NRP2: variants seen among roughly 807,000 people sequenced by gnomAD.
The protein encoded by NRP2 is neuropilin-2.
Under a neutral mutation model 110.4 loss-of-function variants are expected in NRP2, and 52 were observed. The ratio of observed to expected loss-of-function variants is 0.47; its 90% CI spans 0.38 to 0.59. The LOEUF is 0.59. NRP2 is among the 20% of genes least tolerant of loss of function. The probability of loss-of-function intolerance (pLI) is 0.00; values close to 1 mark genes in which losing one functional copy is unlikely to be tolerated. For synonymous variants in NRP2, 508 were observed against 468.9 expected (o/e 1.08, Z -1.08); for missense variants, 1,049 against 1,203.0 (o/e 0.87, Z 1.89).
At chr2:205,772,366 G>C (rs1173393967) in intron 15 of NRP2, among the ~76,000 whole-genome samples, 1 of 152,162 alleles carries the variant, frequency 6.6e-6, no homozygotes, top group African/African-American at 2.4e-5. Context: ...TCCCATGCCT[G>C]GTTTCTCAAA....
chr2:205,793,192 C>G (rs113681083), intron 16 of NRP2, among the ~76,000 whole-genome samples: 1 of 152,076 alleles, frequency 6.6e-6, no homozygotes, highest in Non-Finnish European at 1.5e-5. Context: ...ATGGAGAGAC[C>G]GCAGTAGATC....
Position 205,743,175 on chromosome 2 carries a change from C to T in NRP2, c.1292-28C>T, listed in dbSNP as rs114761500. 1.3e-5 allele frequency: 21 copies of T among 1,606,096 alleles called. No homozygotes were observed. In the African/African-American group the frequency reaches 2.5e-4, roughly 19 times the overall value. ...CTGGTTAGCAGGTGTCAGCCATGAC[C>T]TCTTGTATCTTCCTCTCCTCTCTGC... On this transcript the variant is annotated intron_variant, in intron 8 of 16. Coordinates refer to ENST00000357785, the MANE Select transcript of NRP2 (RefSeq NM_003872.3).
At chr2:205,695,571 G>A (rs2056406635) in intron 1 of NRP2, among the ~76,000 whole-genome samples, 1 of 152,186 alleles carries the variant, frequency 6.6e-6, no homozygotes, top group African/African-American at 2.4e-5. Flanking sequence ...CAGGAGCTCA[G>A]CTCAGGTTTC....
intron 15 of NRP2, among the ~76,000 whole-genome samples, chr2:205,783,247 A>G (rs1217209512): frequency 6.6e-6 from 1 of 152,042 alleles, no homozygotes; most frequent in Non-Finnish European, 1.5e-5. Flanking sequence ...GGGAATATGG[A>G]CCTGGCTCTA....
chr2:205,780,521 C>T (rs915808828), intron 15 of NRP2, among the ~76,000 whole-genome samples: 1 of 152,138 alleles, frequency 6.6e-6, no homozygotes, highest in African/African-American at 2.4e-5. Context: ...AGCCTCCCAG[C>T]AGTTCATGGT....
At chr2:205,781,447 G>T (rs939569459) in intron 15 of NRP2, among the ~76,000 whole-genome samples, 5 of 152,226 alleles carry the variant, frequency 3.3e-5, no homozygotes, top group African/African-American at 1.2e-4. Context: ...TTCACCCACT[G>T]CCCCCCTAGC....
rs775169335 is a variant in NRP2, at chr2:205,725,874, T to C, written c.821-39T>C. 3 of 1,611,838 alleles carry C rather than the reference T, an allele frequency of 1.9e-6. 1 individual carries two copies. The South Asian group carries it at 3.3e-5, about 18-fold the overall frequency. On this transcript the variant is annotated intron_variant, in intron 5 of 16. Transcript: ENST00000357785. The surrounding 1 kb of genome is among the most constrained non-coding windows in gnomAD (Gnocchi z 4.1). ...TTTGGGGGATCCCGAGGTATGAGGTTGGAAGGCCTAACTGCATTTGACCGT... is the reference window on the plus strand; with the variant it reads ...TTTGGGGGATCCCGAGGTATGAGGTCGGAAGGCCTAACTGCATTTGACCGT...
chr2:205,706,506 ACCCC>A lies in NRP2; in HGVS notation c.251+8788_251+8791del, dbSNP rs2056681432. Reference sequence around the variant, plus strand: ...AAGTAGGAGGTTTCGTCCCCACCCGACCCCCCTCTCCCATTATCATCATTATTAT... The same window carrying A: ...AAGTAGGAGGTTTCGTCCCCACCCGACCTCTCCCATTATCATCATTATTAT... On this transcript the variant is annotated intron_variant, in intron 2 of 16. Coordinates refer to ENST00000357785, the MANE Select transcript of NRP2 (RefSeq NM_003872.3). Among the ~76,000 whole-genome samples, 2 of 151,194 alleles carry A rather than the reference ACCCC, an allele frequency of 1.3e-5. 1 individual carries two copies. The highest frequency in any genetic ancestry group is 4.2e-4 in the South Asian group (2 of 4,756).
intron 16 of NRP2, among the ~76,000 whole-genome samples, chr2:205,793,559 T>A (rs527282415): frequency 1.3e-5 from 2 of 152,262 alleles, no homozygotes; most frequent in East Asian, 3.9e-4. Context: ...AAATGTAAGA[T>A]CAACATGTGG....
intron 10 of NRP2, among the ~76,000 whole-genome samples, chr2:205,746,564 C>A (rs1030256984): frequency 2.0e-5 from 3 of 152,206 alleles, no homozygotes. Context: ...CAGCCCTCCT[C>A]CCTCAGCAGA....
chr2:205,792,299 T>C lies in NRP2; in HGVS notation c.2476+14T>C, dbSNP rs377422258. On this transcript the variant is annotated intron_variant, in intron 16 of 16. Transcript: ENST00000357785. ...ATGAAATTGATGGTGAGTACTGTTA[T>C]GATTTAGCAGGTAATCGTAAAATTC... is the stretch of plus-strand genomic sequence containing the variant. 21 of 1,594,014 alleles carry C rather than the reference T, an allele frequency of 1.3e-5. No homozygotes were observed. The African/African-American group carries it at 2.8e-4, about 21-fold the overall frequency.
At position 205,725,829 on chromosome 2, in the gene NRP2, T is replaced by C; in HGVS notation, c.821-84T>C. ...ATGAGGAAGTGCCTGCAAGGACTTG[T>C]CCCTAGAAGGGAGGCAGCATTTGGG... On this transcript the variant is annotated intron_variant, in intron 5 of 16. Transcript: ENST00000357785. The surrounding 1 kb of genome is among the most constrained non-coding windows in gnomAD (Gnocchi z 4.1). The C allele has an allele frequency of 2.1e-6, 3 of 1,418,616 alleles. No homozygotes were observed. Among genetic ancestry groups the C allele is most frequent in the Non-Finnish European group, 2.0e-6 (2 of 1,004,244 alleles). The allele number at this position is 1,418,616 out of a possible 1,614,324, so 87.9% of individuals were successfully genotyped here.
At chr2:205,740,456 T>C in intron 7 of NRP2, 63 bp from the exon 8 acceptor site, 2 of 1,586,022 alleles carry the variant, frequency 1.3e-6, no homozygotes, top group Non-Finnish European at 1.7e-6. Context: ...CTTCAAAGAC[T>C]GCTCAAGTGG....
At chr2:205,761,221 T>C (rs1364306030) in intron 12 of NRP2, among the ~76,000 whole-genome samples, 23 of 152,324 alleles carry the variant, frequency 1.5e-4, no homozygotes, top group Non-Finnish European at 5.9e-5. Flanking sequence ...TCTTTAACCG[T>C]GTATTTATCA....
chr2:205,733,375 T>C (rs1012055212), intron 7 of NRP2, among the ~76,000 whole-genome samples: 1 of 152,166 alleles, frequency 6.6e-6, no homozygotes, highest in East Asian at 1.9e-4. Context: ...AGAGGGGATG[T>C]GGAAGGGCGC....
At chr2:205,756,595 G>A (rs1411066309) in intron 12 of NRP2, 3 of 152,212 alleles carry the variant, frequency 2.0e-5, no homozygotes, top group Admixed American at 1.3e-4. Context: ...ATTGGTCAGT[G>A]CATAGACAGG....
intron 2 of NRP2, among the ~76,000 whole-genome samples, chr2:205,707,436 G>A (rs921177451): frequency 6.6e-6 from 1 of 152,172 alleles, no homozygotes; most frequent in African/African-American, 2.4e-5. Context: ...TGCCCCTGGA[G>A]CCAGGAGAAG....
chr2:205,776,909 G>A (rs2058109690), intron 15 of NRP2: 20 of 1,197,056 alleles, frequency 1.7e-5, no homozygotes, highest in Non-Finnish European at 2.0e-5. Context: ...CAGGAGACGT[G>A]AGGGGAAGCC....
chr2:205,698,039 G>C (rs767223161), intron 2 of NRP2: 2 of 397,556 alleles, frequency 5.0e-6, no homozygotes, highest in Non-Finnish European at 9.5e-6. Context: ...CTTGACTTTG[G>C]GTTACCTTGC....
Sources: allele counts gnomAD v4.1 joint callset (sites outside exome capture counted in the v4.1 genomes callset), GRCh38; gene constraint gnomAD v4.1.1; non-coding constraint Gnocchi (gnomAD v3.1); transcripts MANE v1.5; gene names NCBI Gene and HGNC (gene_info 2026-07-23, HGNC 2026-07-21).